The following RYR2 variants were observed in gnomAD, a reference collection of about 807,000 sequenced individuals.
RYR2 encodes ryanodine receptor 2, also known as cardiac muscle ryanodine receptor-calcium release channel.
In RYR2, 227 loss-of-function variants were observed where a neutral mutation model predicts 601.1. The observed-to-expected ratio is 0.38, with a 90% CI of 0.34 to 0.42. The LOEUF is 0.42. Among genes scored for constraint, RYR2 ranks in the 10% least tolerant of loss-of-function variants. The pLI is 1.00. For synonymous variants in RYR2, 2,223 were observed against 2,175.1 expected (o/e 1.02, Z -0.61); for missense variants, 4,646 against 6,156.5 (o/e 0.75, Z 8.21).
At chr1:237,307,474 A>T (rs1353204056) in intron 2 of RYR2, among the ~76,000 whole-genome samples, 1 of 152,286 alleles carries the variant, frequency 6.6e-6, no homozygotes, top group Non-Finnish European at 1.5e-5. Context: ...CATTATTGTA[A>T]AAAGTAGAAT....
intron 10 of RYR2, among the ~76,000 whole-genome samples, chr1:237,408,407 A>T (rs4659788): frequency 0.47 from 62,339 of 132,624 alleles, 16,405 homozygotes; most frequent in East Asian, 0.76. Flanking sequence ...TATATATATA[A>T]ATGGATATCC....
At chr1:237,631,689 A>AG (rs35464404) in intron 42 of RYR2, 148 bp downstream of exon 42, 3 of 442,326 alleles carry the variant, frequency 6.8e-6, no homozygotes, top group South Asian at 6.6e-5. Context: ...AGTGCAGTGC[A>AG]CGATCTCGGC....
chr1:237,706,489 G>A (rs889665804), intron 67 of RYR2, among the ~76,000 whole-genome samples: 1 of 152,160 alleles, frequency 6.6e-6, no homozygotes, highest in Non-Finnish European at 1.5e-5. Context: ...TGCCTGGATA[G>A]CTAAGTAATC....
chr1:237,507,160 A>C (rs1337335289), intron 23 of RYR2, among the ~76,000 whole-genome samples: 1 of 152,244 alleles, frequency 6.6e-6, no homozygotes. Context: ...ATTGAAAGTG[A>C]AAACTGAAAA....
chr1:237,259,559 G>A (rs200587596), intron 1 of RYR2, among the ~76,000 whole-genome samples: 18 of 138,046 alleles, frequency 1.3e-4, no homozygotes, highest in East Asian at 4.5e-4. Context: ...AGAGACTACC[G>A]TCACCTTGTA....
chr1:237,049,501 C>T (rs1167756230), intron 1 of RYR2, among the ~76,000 whole-genome samples: 5 of 152,048 alleles, frequency 3.3e-5, no homozygotes, highest in African/African-American at 4.8e-5. Flanking sequence ...GCGGTAATTT[C>T]CATTGTCATG....
chr1:237,165,152 C>T (rs1001715599), intron 1 of RYR2, among the ~76,000 whole-genome samples: 3 of 151,478 alleles, frequency 2.0e-5, no homozygotes, highest in Non-Finnish European at 2.9e-5. Flanking sequence ...GAGATGGGGT[C>T]TCACTATGTT....
chr1:237,193,167 CAAAA>C (rs58552588), intron 1 of RYR2, among the ~76,000 whole-genome samples: 847 of 37,428 alleles, frequency 0.023, 47 homozygotes, highest in South Asian at 0.21. Context: ...GCTAAAAGTA[CAAAA>C]AAAAAAAAAG....
At chr1:237,099,143 A>C (rs1197121113) in intron 1 of RYR2, among the ~76,000 whole-genome samples, 1 of 151,972 alleles carries the variant, frequency 6.6e-6, no homozygotes, top group African/African-American at 2.4e-5. Context: ...ATCAGCATAC[A>C]TATAACATTT....
intron 1 of RYR2, among the ~76,000 whole-genome samples, chr1:237,050,471 A>G (rs1240674485): frequency 6.6e-6 from 1 of 152,198 alleles, no homozygotes; most frequent in African/African-American, 2.4e-5. Flanking sequence ...TCTCATCACC[A>G]TGAAGGAAGG....
intron 1 of RYR2, among the ~76,000 whole-genome samples, chr1:237,227,666 C>T (rs373170952): frequency 6.8e-4 from 104 of 152,286 alleles, no homozygotes; most frequent in African/African-American, 2.4e-3. Flanking sequence ...CTGGCATGTC[C>T]ACCTGTTTGC....
chr1:237,570,143 A>T (rs1444770548), intron 29 of RYR2, among the ~76,000 whole-genome samples: 2 of 150,432 alleles, frequency 1.3e-5, no homozygotes, highest in East Asian at 4.1e-4. Flanking sequence ...GCTCGAACCC[A>T]GGAGGCAGAG....
intron 100 of RYR2, among the ~76,000 whole-genome samples, chr1:237,813,670 A>C (rs188414911): frequency 2.0e-4 from 30 of 152,320 alleles, no homozygotes; most frequent in African/African-American, 7.2e-4. Flanking sequence ...GGGGGCATGA[A>C]TACAGAAGAC....
rs1274699451 is a variant in RYR2, at chr1:237,806,712, G to T, written c.14298+429G>T. On this transcript the variant is annotated intron_variant, in intron 99 of 104. Coordinates refer to ENST00000366574, the MANE Select transcript of RYR2 (RefSeq NM_001035.3). ...TTGTATTCGTTGTAAAATATGAGAT[G>T]CTGCATTTTAATGTAGTATTTTTAA... Among the ~76,000 whole-genome samples, 3 of 152,176 alleles carry T rather than the reference G, an allele frequency of 2.0e-5. No homozygotes were observed. The East Asian group carries it at 5.8e-4, about 29-fold the overall frequency.
chr1:237,820,381 A>G (rs1317326192), intron 101 of RYR2, among the ~76,000 whole-genome samples: 1 of 152,114 alleles, frequency 6.6e-6, no homozygotes, highest in Non-Finnish European at 1.5e-5. Flanking sequence ...GGTGAGCAGA[A>G]GCAGGGTGGC....
At chr1:237,816,111 G>A (rs1464358231) in intron 100 of RYR2, among the ~76,000 whole-genome samples, 1 of 152,132 alleles carries the variant, frequency 6.6e-6, no homozygotes, top group Admixed American at 6.5e-5. Flanking sequence ...ACTGGGAACT[G>A]CACAATCCAC....
intron 1 of RYR2, among the ~76,000 whole-genome samples, chr1:237,226,824 A>G (rs1312209660): frequency 6.6e-6 from 1 of 152,168 alleles, no homozygotes; most frequent in African/African-American, 2.4e-5. Flanking sequence ...GGTGGAGTGT[A>G]GTGGCGTGCT....
chr1:237,343,295 AAGTT>A (rs2149626522), intron 3 of RYR2, among the ~76,000 whole-genome samples: 1 of 152,328 alleles, frequency 6.6e-6, no homozygotes, highest in East Asian at 1.9e-4. Context: ...AGCTAAATGA[AAGTT>A]AAATAACACG....
In RYR2 at chr1:237,454,440, C is replaced by T. The variant is rs369933531; in HGVS notation, c.1342C>T (p.Pro448Ser). Residue 448 changes from proline to serine, a missense_variant, in exon 15 of 105, where the codon CCT becomes TCT. Pro to Ser is a moderately conservative substitution (Grantham distance 74). Transcript: ENST00000366574. ...KKAKASTVDL[P>S]IESVSLSLQD... ...AGCGAAGGCTTCCACAGTCGATTTG[C>T]CTATAGAGTCCGTAAGCCTAAGTCT... 1 of 1,613,516 alleles carries T rather than the reference C, an allele frequency of 6.2e-7. No homozygotes were observed. Among genetic ancestry groups the T allele is most frequent in the East Asian group, 2.2e-5 (1 of 44,848 alleles).
Sources: allele counts gnomAD v4.1 joint callset (sites outside exome capture counted in the v4.1 genomes callset), GRCh38; gene constraint gnomAD v4.1.1; transcripts MANE v1.5; gene names NCBI Gene and HGNC (gene_info 2026-07-23, HGNC 2026-07-21).